The following RBFOX1 variants were observed in gnomAD, a reference collection of about 807,000 sequenced individuals.
RBFOX1 encodes the protein RNA binding protein fox-1 homolog 1.
RBFOX1 carries 8 observed loss-of-function variants against 57.7 expected under a neutral mutation model. The ratio of observed to expected loss-of-function variants is 0.14; its 90% confidence interval spans 0.08 to 0.25. RBFOX1 has a LOEUF of 0.25. Ranked by LOEUF, RBFOX1 falls within the 10% of genes least tolerant of loss-of-function variation. The pLI is 1.00. For missense variants in RBFOX1, 611 were observed against 548.5 expected, an observed-to-expected ratio of 1.11 and a Z score of -1.14; for synonymous variants, 326 against 222.4, an observed-to-expected ratio of 1.47 and a Z score of -4.15.
At chr16:6,890,619 G>C (rs982874677) in intron 3 of RBFOX1, among the ~76,000 whole-genome samples, 1 of 152,176 alleles carries the variant, frequency 6.6e-6, no homozygotes, top group Non-Finnish European at 1.5e-5. Context: ...ATCGTTTATT[G>C]TGTTGGTGTT....
intron 1 of RBFOX1, among the ~76,000 whole-genome samples, chr16:6,113,564 A>G (rs2096467419): frequency 6.6e-6 from 1 of 152,190 alleles, no homozygotes; most frequent in South Asian, 2.1e-4. Context: ...TCTTGAAGCA[A>G]AGGCAGAAAT....
intron 3 of RBFOX1, among the ~76,000 whole-genome samples, chr16:6,946,339 C>T (rs1162963616): frequency 6.6e-6 from 1 of 152,200 alleles, no homozygotes; most frequent in Non-Finnish European, 1.5e-5. Context: ...AGTCAGTGGG[C>T]CAGGTCTGGC....
At chr16:7,017,453 G>A (rs1262346218) in intron 3 of RBFOX1, among the ~76,000 whole-genome samples, 3 of 152,142 alleles carry the variant, frequency 2.0e-5, no homozygotes, top group Non-Finnish European at 2.9e-5. Context: ...AGCATGCAAC[G>A]CACACACTGA....
chr16:7,617,808 G>A (rs140131455), intron 10 of RBFOX1, among the ~76,000 whole-genome samples: 1 of 152,160 alleles, frequency 6.6e-6, no homozygotes, highest in African/African-American at 2.4e-5. Flanking sequence ...ATAGTACACA[G>A]TGATACCTGC....
At chr16:6,103,926 A>T (rs889337540) in intron 1 of RBFOX1, among the ~76,000 whole-genome samples, 30 of 151,884 alleles carry the variant, frequency 2.0e-4, no homozygotes, top group Non-Finnish European at 1.5e-5. Flanking sequence ...TTTTCTTTTG[A>T]CTCTGGGCTA....
intron 3 of RBFOX1, among the ~76,000 whole-genome samples, chr16:6,722,737 G>A (rs1411354907): frequency 6.6e-6 from 1 of 152,176 alleles, no homozygotes; most frequent in Admixed American, 6.5e-5. Context: ...TCTGAATTAA[G>A]GGCCCCGTTC....
rs191555642 is a variant in RBFOX1 at position 7,109,506 on chromosome 16, G to C, written c.27+57408G>C. ...TGCACCTTTGGGCCCTTGTGATCCA[G>C]GTGAGTGACAGAGTGACTCACCTAA... On this transcript the variant is annotated intron_variant, in intron 4 of 15. Transcript: ENST00000550418. Among the ~76,000 whole-genome samples, 4 of 152,218 alleles carry C rather than the reference G, an allele frequency of 2.6e-5. No individual in the cohort carries two copies. The East Asian group carries it at 7.8e-4, about 30-fold the overall frequency.
intron 4 of RBFOX1, among the ~76,000 whole-genome samples, chr16:5,991,323 C>T (rs540574751): frequency 1.3e-5 from 2 of 152,312 alleles, no homozygotes; most frequent in African/African-American, 2.4e-5. Context: ...GATTGCACCC[C>T]TTCCCTTCCT....
At chr16:5,814,183 A>G (rs891386835) in intron 3 of RBFOX1, among the ~76,000 whole-genome samples, 1 of 152,124 alleles carries the variant, frequency 6.6e-6, no homozygotes, top group African/African-American at 2.4e-5. Flanking sequence ...TGTGCTGCCC[A>G]CATCCCTTGG....
intron 4 of RBFOX1, among the ~76,000 whole-genome samples, chr16:5,986,210 T>C (rs1438373576): frequency 6.6e-6 from 1 of 152,094 alleles, no homozygotes; most frequent in Non-Finnish European, 1.5e-5. Context: ...TTTACAGGCA[T>C]GCACCACCCC....
intron 4 of RBFOX1, among the ~76,000 whole-genome samples, chr16:6,006,669 G>C (rs1224559082): frequency 6.6e-6 from 1 of 152,202 alleles, no homozygotes. Context: ...CTGTCACTCA[G>C]AAGGGGAAGA....
At chr16:7,047,634 G>C (rs1598009374) in intron 3 of RBFOX1, among the ~76,000 whole-genome samples, 1 of 144,510 alleles carries the variant, frequency 6.9e-6, no homozygotes, top group Non-Finnish European at 1.5e-5. Flanking sequence ...TTTTTGCAGT[G>C]AACTCTTTAT....
chr16:6,174,571 G>A (rs2096988784), intron 1 of RBFOX1, among the ~76,000 whole-genome samples: 1 of 151,678 alleles, frequency 6.6e-6, no homozygotes, highest in South Asian at 2.1e-4. Context: ...CTCCAGCCTG[G>A]GTGACAGAGT....
At chr16:6,797,199 G>C (rs1482382710) in intron 3 of RBFOX1, among the ~76,000 whole-genome samples, 1 of 152,162 alleles carries the variant, frequency 6.6e-6, no homozygotes, top group Non-Finnish European at 1.5e-5. Context: ...AGTCGCCTAT[G>C]TTTACTAAGG....
intron 3 of RBFOX1, among the ~76,000 whole-genome samples, chr16:6,980,409 G>A (rs186977164): frequency 6.6e-6 from 1 of 152,084 alleles, no homozygotes; most frequent in Admixed American, 6.6e-5. Flanking sequence ...GAGTTTACTT[G>A]CCATTTTCAA....
At chr16:7,496,849 AAATT>A (rs1428433309) in intron 4 of RBFOX1, among the ~76,000 whole-genome samples, 1 of 152,136 alleles carries the variant, frequency 6.6e-6, no homozygotes, top group Non-Finnish European at 1.5e-5. Flanking sequence ...ACAAGTTTAA[AAATT>A]AATTATTTTG....
Position 7,142,537 on chromosome 16 carries a change from G to T in RBFOX1, c.27+90439G>T, listed in dbSNP as rs1042387432. 5.3e-5 allele frequency among the ~76,000 whole-genome samples: 8 copies of T among 152,064 alleles called. 1 individual carries two copies. The highest frequency in any genetic ancestry group is 3.9e-4 in the East Asian group (2 of 5,188). On this transcript the variant is annotated intron_variant, in intron 4 of 15. Coordinates refer to ENST00000550418, the MANE Select transcript of RBFOX1 (RefSeq NM_018723.4). Reference sequence around the variant, plus strand: ...TGGGCTCTTCCCTATACTGTTCTCCGCATGGCCGGCTCTTTCTTAGCCATT... The same window carrying T: ...TGGGCTCTTCCCTATACTGTTCTCCTCATGGCCGGCTCTTTCTTAGCCATT...
intron 4 of RBFOX1, among the ~76,000 whole-genome samples, chr16:7,198,554 A>C (rs940779613): frequency 8.5e-5 from 13 of 152,194 alleles, no homozygotes; most frequent in African/African-American, 2.9e-4. Flanking sequence ...AAAAGCAATC[A>C]AAGTGTATTT....
At chr16:5,600,797 A>G (rs1410055887), downstream of RBFOX1, among the ~76,000 whole-genome samples, 2 of 152,180 alleles carry the variant, frequency 1.3e-5, no homozygotes, top group Non-Finnish European at 2.9e-5. Flanking sequence ...GGATGATGAA[A>G]AATGACAACC....
Sources: allele counts gnomAD v4.1 joint callset (sites outside exome capture counted in the v4.1 genomes callset), GRCh38; gene constraint gnomAD v4.1.1; transcripts MANE v1.5; gene names NCBI Gene and HGNC (gene_info 2026-07-23, HGNC 2026-07-21).